Variants in TMEM132B observed in about 807,000 individuals in gnomAD.
TMEM132B encodes transmembrane protein 132B.
Under a neutral mutation model 90.8 loss-of-function variants are expected in TMEM132B, and 18 were observed. The ratio of observed to expected loss-of-function variants is 0.20; its 90% CI spans 0.14 to 0.29. The LOEUF is 0.29. Ranked by LOEUF, TMEM132B falls within the 10% of genes least tolerant of loss-of-function variation. TMEM132B has a pLI of 1.00. For synonymous variants in TMEM132B, 504 were observed against 523.3 expected (o/e 0.96, Z 0.50); for missense variants, 1,096 against 1,326.8 (o/e 0.83, Z 2.70).
At chr12:125,232,924 T>C (rs922604117) in intron 1 of TMEM132B, among the ~76,000 whole-genome samples, 4 of 152,212 alleles carry the variant, frequency 2.6e-5, no homozygotes, top group Non-Finnish European at 4.4e-5. Context: ...TCATTTTTTT[T>C]CCCAAGAGTC....
At chr12:125,489,601 G>T (rs1471113605) in intron 3 of TMEM132B, among the ~76,000 whole-genome samples, 1 of 151,934 alleles carries the variant, frequency 6.6e-6, no homozygotes, top group Non-Finnish European at 1.5e-5. Flanking sequence ...TTGTAGAGAT[G>T]GGGTCTCGCT....
At chr12:125,576,782 A>G (rs575716379) in intron 4 of TMEM132B, among the ~76,000 whole-genome samples, 3 of 151,936 alleles carry the variant, frequency 2.0e-5, no homozygotes, top group Non-Finnish European at 4.4e-5. Context: ...ATTAATTTTC[A>G]TATGTTGAAC....
intron 3 of TMEM132B, among the ~76,000 whole-genome samples, chr12:125,432,625 G>A (rs1880575354): frequency 6.7e-6 from 1 of 149,848 alleles, no homozygotes; most frequent in East Asian, 2.0e-4. Flanking sequence ...GCCAAGGGAT[G>A]GGGCCTGTTG....
chr12:125,624,382 A>C (rs1886179946), intron 5 of TMEM132B, among the ~76,000 whole-genome samples: 1 of 152,136 alleles, frequency 6.6e-6, no homozygotes, highest in African/African-American at 2.4e-5. Flanking sequence ...CCATTCTTGC[A>C]TGTCTACAAT....
rs80328611 is a variant in TMEM132B at position 125,324,841 on chromosome 12, A to G, written c.68-24611A>G. On this transcript the variant is annotated intron_variant, in intron 1 of 8. Coordinates refer to ENST00000682704, the MANE Select transcript of TMEM132B (RefSeq NM_001366854.1). Reference sequence around the variant, plus strand: ...TCGTGTTCCCTTAGCTATCTTAGCTAGACTCCAAAAGTCTGGTCTTTGGAT... The same window carrying G: ...TCGTGTTCCCTTAGCTATCTTAGCTGGACTCCAAAAGTCTGGTCTTTGGAT... 1.3e-3 allele frequency among the ~76,000 whole-genome samples: 198 copies of G among 152,310 alleles called. 2 individuals are homozygous for G. Among genetic ancestry groups the G allele is most frequent in the African/African-American group, 4.6e-3 (193 of 41,568 alleles).
At chr12:125,637,776 C>A (rs1886523327) in intron 5 of TMEM132B, among the ~76,000 whole-genome samples, 1 of 152,096 alleles carries the variant, frequency 6.6e-6, no homozygotes, top group South Asian at 2.1e-4. Flanking sequence ...TGTTGTGATT[C>A]CATTTATATA....
At chr12:125,525,275 T>C (rs899502056) in intron 4 of TMEM132B, among the ~76,000 whole-genome samples, 13 of 152,254 alleles carry the variant, frequency 8.5e-5, no homozygotes, top group African/African-American at 2.9e-4. Context: ...GTTCTGTATG[T>C]TGTGGTTTGA....
At chr12:125,412,503 G>A (rs1176297689) in intron 2 of TMEM132B, among the ~76,000 whole-genome samples, 2 of 152,178 alleles carry the variant, frequency 1.3e-5, no homozygotes, top group Admixed American at 6.5e-5. Flanking sequence ...TGGAGTGAGG[G>A]GATCTGGTTT....
At chr12:125,628,582 A>G (rs895988437) in intron 5 of TMEM132B, among the ~76,000 whole-genome samples, 1 of 152,060 alleles carries the variant, frequency 6.6e-6, no homozygotes. Flanking sequence ...AAGTATTTCT[A>G]TCCCGTTCTG....
intron 2 of TMEM132B, among the ~76,000 whole-genome samples, chr12:125,369,840 G>C (rs1397801190): frequency 6.6e-6 from 1 of 152,174 alleles, no homozygotes; most frequent in Non-Finnish European, 1.5e-5. Flanking sequence ...CCTGAGGTCA[G>C]GAGTTCGAGA....
At chr12:125,472,844 G>T (rs1540841) in intron 3 of TMEM132B, among the ~76,000 whole-genome samples, 48,534 of 151,980 alleles carry the variant, frequency 0.32, 7,935 homozygotes, top group East Asian at 0.51. Context: ...GATAAGTTTC[G>T]GTTGTTTAGA....
chr12:125,516,585 G>A (rs892771883), intron 3 of TMEM132B, among the ~76,000 whole-genome samples: 2 of 152,314 alleles, frequency 1.3e-5, no homozygotes, highest in East Asian at 1.9e-4. Flanking sequence ...GGAGCAGGAC[G>A]TGCCCACAGT....
At chr12:125,452,437 G>A (rs1179721650) in intron 3 of TMEM132B, among the ~76,000 whole-genome samples, 2 of 152,126 alleles carry the variant, frequency 1.3e-5, no homozygotes, top group African/African-American at 2.4e-5. Flanking sequence ...AATAATGATG[G>A]GTTAATCATA....
In TMEM132B at chr12:125,657,500, C is replaced by T. The variant is rs576071331; in HGVS notation, c.*2790C>T. 40 of 152,202 alleles carry T rather than the reference C, an allele frequency of 2.6e-4. No homozygotes were observed. Among genetic ancestry groups the T allele is most frequent in the Non-Finnish European group, 5.1e-4 (35 of 68,024 alleles). 9.4% of individuals were successfully genotyped at this position (152,202 alleles called of 1,614,324 possible). On this transcript the variant is annotated 3_prime_UTR_variant, in exon 9 of 9. Transcript: ENST00000682704. ...AAGTATTTCCTCCTCTAAATATTTC[C>T]TGAAGATCATAAACCATGGGTTATA...
intron 3 of TMEM132B, among the ~76,000 whole-genome samples, chr12:125,515,511 G>A (rs990119587): frequency 2.0e-5 from 3 of 146,388 alleles, no homozygotes; most frequent in Non-Finnish European, 3.0e-5. Flanking sequence ...TGACACATTC[G>A]CTCACACCCC....
chr12:125,189,604 C>G (rs193020932), intron 1 of TMEM132B, among the ~76,000 whole-genome samples: 1 of 152,042 alleles, frequency 6.6e-6, no homozygotes, highest in Non-Finnish European at 1.5e-5. Flanking sequence ...ATGCAAATGT[C>G]GTCGCCTTCT....
intron 3 of TMEM132B, among the ~76,000 whole-genome samples, chr12:125,510,932 C>A (rs1418023807): frequency 6.6e-6 from 1 of 152,192 alleles, no homozygotes; most frequent in Non-Finnish European, 1.5e-5. Context: ...CCATGTAATT[C>A]ATCTTTTTAA....
chr12:125,344,656 G>A (rs1247392957), intron 1 of TMEM132B, among the ~76,000 whole-genome samples: 1 of 152,158 alleles, frequency 6.6e-6, no homozygotes, highest in African/African-American at 2.4e-5. Context: ...CTGAACACAC[G>A]TGGAAGGAGA....
intron 2 of TMEM132B, among the ~76,000 whole-genome samples, chr12:125,354,666 C>A (rs1877710262): frequency 6.6e-6 from 1 of 152,182 alleles, no homozygotes; most frequent in African/African-American, 2.4e-5. Context: ...TCAGAAGTGA[C>A]CAGTGGGTGC....
Sources: gnomAD v4.1 joint callset for allele counts (sites outside exome capture counted in the v4.1 genomes callset) on GRCh38, gnomAD v4.1.1 for gene constraint, MANE v1.5 for transcripts, NCBI Gene and HGNC (gene_info 2026-07-23, HGNC 2026-07-21) for gene names.